Variants in LRGUK observed in about 807,000 individuals in gnomAD.
LRGUK encodes the protein leucine-rich repeat and guanylate kinase domain-containing protein.
A neutral mutation model predicts 76.0 loss-of-function variants in LRGUK; 65 were observed. That is an observed-to-expected ratio of 0.85 (90% CI 0.70 to 1.05). The LOEUF is 1.05. Among genes scored for constraint, LRGUK ranks in the 50% least tolerant of loss-of-function variants. The pLI is 0.00. For synonymous variants in LRGUK, 268 were observed against 265.6 expected (o/e 1.01, Z -0.09); for missense variants, 758 against 732.8 (o/e 1.03, Z -0.40).
At position 134,142,994 on chromosome 7, in the gene LRGUK, C is replaced by G. The variant is rs147505648; in HGVS notation, c.488-68C>G. The G allele has an allele frequency of 4.1e-4, 339 of 818,642 alleles. No individual in the cohort carries two copies. In the African/African-American group the frequency reaches 4.9e-3, roughly 12 times the overall value. 50.7% of individuals were successfully genotyped at this position (818,642 alleles called of 1,614,324 possible). A position where few individuals can be genotyped will look rare whatever the true frequency, so the allele number is the denominator to read the frequency against. On this transcript the variant is annotated intron_variant, in intron 3 of 15. Transcript: ENST00000645682. ...TTAAAATATTCTGATGTCATGTACACTGTTTTTAATGCCTTTGTCTTGTTA... is the reference window on the plus strand; with the variant it reads ...TTAAAATATTCTGATGTCATGTACAGTGTTTTTAATGCCTTTGTCTTGTTA...
Position 134,258,363 on chromosome 7 carries a change from G to T in LRGUK, c.2305G>T (p.Gly769Ter). ...GGAGGGGAGCATTTCTTCACACCTA[G>T]GATCAGGAGCCAGTGACAGTGAGAC... The change falls in exon 19 of 20, where the codon GGA (glycine) becomes TGA (stop). Residue 769 changes from glycine (G) to a stop codon, truncating the protein, a stop_gained. Coordinates refer to the LRGUK transcript ENST00000285928. LOFTEE classifies it low-confidence loss of function (END_TRUNC). 1 of 1,614,046 alleles carries T rather than the reference G, an allele frequency of 6.2e-7. No individual in the cohort carries two copies. The highest frequency in any genetic ancestry group is 8.5e-7 in the Non-Finnish European group (1 of 1,179,966).
chr7:134,148,175 T>G, intron 4 of LRGUK, 63 bp from the exon 5 acceptor site: 1 of 1,058,488 alleles, frequency 9.4e-7, no homozygotes, highest in South Asian at 1.4e-5. Flanking sequence ...GCACAGTTAA[T>G]TATTGTGGCA....
chr7:134,222,650 C>T (rs1300946370), intron 16 of LRGUK, among the ~76,000 whole-genome samples: 2 of 150,822 alleles, frequency 1.3e-5, no homozygotes, highest in Non-Finnish European at 2.9e-5. Context: ...GCTCTTGTTG[C>T]CAGGCTGGAG....
intron 16 of LRGUK, among the ~76,000 whole-genome samples, chr7:134,245,306 T>G (rs573359441): frequency 6.6e-5 from 10 of 152,354 alleles, no homozygotes; most frequent in Admixed American, 2.6e-4. Flanking sequence ...GGTTCCCAGA[T>G]TGCCCTGCTT....
At chr7:134,169,178 A>G (rs948472645) in intron 7 of LRGUK, among the ~76,000 whole-genome samples, 164 of 76,444 alleles carry the variant, frequency 2.1e-3, no homozygotes, top group African/African-American at 7.7e-3. Context: ...ACACACACAC[A>G]CACACACACA....
At chr7:134,270,944 G>A in the LRGUK span, among the ~76,000 whole-genome samples, 3 of 151,962 alleles carry the variant, frequency 2.0e-5, no homozygotes, top group Non-Finnish European at 4.4e-5. Context: ...GTAAGAGGGT[G>A]CTCATTTTTT....
chr7:134,186,858 G>T (rs999294231), intron 11 of LRGUK, among the ~76,000 whole-genome samples: 2 of 152,156 alleles, frequency 1.3e-5, no homozygotes, highest in Admixed American at 6.5e-5. Flanking sequence ...CTCCTGTACT[G>T]TTACCTCTGC....
chr7:134,253,540 C>T (rs1006544652), intron 18 of LRGUK, among the ~76,000 whole-genome samples: 8 of 152,132 alleles, frequency 5.3e-5, no homozygotes, highest in African/African-American at 9.7e-5. Context: ...CAGGCCTGGG[C>T]GGCGTGGCTC....
intron 19 of LRGUK, among the ~76,000 whole-genome samples, chr7:134,261,743 G>T (rs925964630): frequency 1.3e-5 from 2 of 152,230 alleles, no homozygotes; most frequent in African/African-American, 4.8e-5. Context: ...GGACCATATA[G>T]TAAATGCTTT....
At chr7:134,253,966 A>G (rs980732010) in intron 18 of LRGUK, among the ~76,000 whole-genome samples, 6 of 152,232 alleles carry the variant, frequency 3.9e-5, no homozygotes, top group African/African-American at 1.2e-4. Flanking sequence ...AAGGGTTAAT[A>G]TTCAATACGT....
At chr7:134,178,012 G>A (rs1585499353) in intron 9 of LRGUK, among the ~76,000 whole-genome samples, 1 of 152,166 alleles carries the variant, frequency 6.6e-6, no homozygotes, top group South Asian at 2.1e-4. Context: ...TATGCTAAAT[G>A]AGGAGGAAGT....
At chr7:134,270,866 A>G in the LRGUK span, among the ~76,000 whole-genome samples, 7 of 152,098 alleles carry the variant, frequency 4.6e-5, no homozygotes, top group Admixed American at 3.3e-4. Flanking sequence ...TTGCTGTGTT[A>G]TAGGTATACA....
chr7:134,230,084 G>GA (rs1313467083), intron 16 of LRGUK, among the ~76,000 whole-genome samples: 5 of 151,376 alleles, frequency 3.3e-5, no homozygotes, highest in Admixed American at 2.6e-4. Flanking sequence ...ACAGCATGAG[G>GA]AAAAAAAAGA....
In LRGUK at chr7:134,226,218, A is replaced by ATGTGTGTGTGTGTGTG. The variant is rs57035440; in HGVS notation, c.1983+4328_1983+4343dup. ...GACAAGGTAGAAATTCCCATCTCCAATGTGTGTGTGTGTGTGTGTGTGTGT... is the reference window on the plus strand; with the variant it reads ...GACAAGGTAGAAATTCCCATCTCCAATGTGTGTGTGTGTGTGTGTGTGTGTGTGTGTGTGTGTGTGT... On this transcript the variant is annotated intron_variant, in intron 16 of 19. Coordinates refer to the LRGUK transcript ENST00000285928. 8.2e-4 allele frequency among the ~76,000 whole-genome samples: 116 copies of ATGTGTGTGTGTGTGTG among 141,788 alleles called. 3 individuals are homozygous for ATGTGTGTGTGTGTGTG. Among genetic ancestry groups the ATGTGTGTGTGTGTGTG allele is most frequent in the African/African-American group, 3.2e-3 (113 of 35,388 alleles). 93.0% of individuals were successfully genotyped at this position (141,788 alleles called of 152,430 possible).
At chr7:134,137,616 AAT>A (rs1215365336) in intron 2 of LRGUK, among the ~76,000 whole-genome samples, 2 of 152,140 alleles carry the variant, frequency 1.3e-5, no homozygotes, top group Non-Finnish European at 2.9e-5. Context: ...AGAAAAAAAA[AAT>A]CTATTATTAT....
At chr7:134,181,224 CA>C (rs1353875102) in intron 10 of LRGUK, among the ~76,000 whole-genome samples, 1 of 152,126 alleles carries the variant, frequency 6.6e-6, no homozygotes, top group African/African-American at 2.4e-5. Context: ...TGAATTCTTG[CA>C]TGTTATAACA....
chr7:134,180,615 T>A (rs1477680033), intron 10 of LRGUK, among the ~76,000 whole-genome samples: 1 of 152,152 alleles, frequency 6.6e-6, no homozygotes, highest in Non-Finnish European at 1.5e-5. Context: ...AATCCTAGAT[T>A]GTACCACAGT....
At chr7:134,204,532 G>T (rs753467617) in intron 15 of LRGUK, among the ~76,000 whole-genome samples, 5 of 152,068 alleles carry the variant, frequency 3.3e-5, no homozygotes, top group Non-Finnish European at 2.9e-5. Context: ...TAGCCTCAAG[G>T]CCCCTTTGTT....
At chr7:134,150,056 A>G (rs998507289) in intron 5 of LRGUK, among the ~76,000 whole-genome samples, 14 of 152,160 alleles carry the variant, frequency 9.2e-5, no homozygotes, top group African/African-American at 3.4e-4. Flanking sequence ...CGGGCAGATC[A>G]CGAGGTCAAG....
Sources: allele counts gnomAD v4.1 joint callset (sites outside exome capture counted in the v4.1 genomes callset), GRCh38; gene constraint gnomAD v4.1.1; transcripts MANE v1.5; gene names NCBI Gene and HGNC (gene_info 2026-07-23, HGNC 2026-07-21).